The following NRXN3 variants were observed in gnomAD, a reference collection of about 807,000 sequenced individuals.
NRXN3 encodes the protein neurexin III.
In NRXN3, 32 loss-of-function variants were observed where a neutral mutation model predicts 137.6. The observed-to-expected ratio is 0.23, with a 90% CI of 0.18 to 0.31. NRXN3 has a LOEUF of 0.31. Among genes scored for constraint, NRXN3 ranks in the 10% least tolerant of loss-of-function variants. The pLI, the probability that NRXN3 is intolerant of heterozygous loss-of-function variation, is 1.00. For missense variants in NRXN3, 1,574 were observed against 2,062.5 expected (o/e 0.76, Z 4.59); for synonymous variants, 798 against 784.5 (o/e 1.02, Z -0.29).
intron 4 of NRXN3, among the ~76,000 whole-genome samples, chr14:78,569,339 C>G (rs1055007431): frequency 6.6e-6 from 1 of 151,666 alleles, no homozygotes; most frequent in African/African-American, 2.4e-5. Context: ...GGTCTCGGCT[C>G]ACTGCAAGCT....
Position 78,750,724 on chromosome 14 carries a change from G to A in NRXN3, c.2044+35585G>A, listed in dbSNP as rs149624004. The stretch of plus-strand genomic sequence containing the variant: ...GCATACTGGCATTAAACATAAGGAT[G>A]TTTGTGTAGGCAAAAACCCCCAAAC... On this transcript the variant is annotated intron_variant, in intron 8 of 20. Coordinates refer to ENST00000335750, the MANE Select transcript of NRXN3 (RefSeq NM_001330195.2). 3.1e-3 allele frequency among the ~76,000 whole-genome samples: 474 copies of A among 152,158 alleles called. 2 individuals carry two copies. The highest frequency in any genetic ancestry group is 4.1e-3 in the Non-Finnish European group (278 of 68,024).
chr14:78,627,188 A>G (rs1024343639), intron 4 of NRXN3, among the ~76,000 whole-genome samples: 13 of 120,800 alleles, frequency 1.1e-4, no homozygotes, highest in African/African-American at 4.1e-4. Context: ...TTTCTTTTTC[A>G]ATTTCCCTCT....
intron 16 of NRXN3, among the ~76,000 whole-genome samples, chr14:79,655,555 G>A (rs1020480802): frequency 6.6e-6 from 1 of 152,190 alleles, no homozygotes; most frequent in African/African-American, 2.4e-5. Flanking sequence ...GACTATGCAT[G>A]TAAATGTGTG....
chr14:78,817,224 T>C (rs2098936476), intron 10 of NRXN3, among the ~76,000 whole-genome samples: 2 of 152,216 alleles, frequency 1.3e-5, no homozygotes, highest in South Asian at 2.1e-4. Flanking sequence ...TACATGTCTT[T>C]GACAAGTTGC....
intron 4 of NRXN3, among the ~76,000 whole-genome samples, chr14:78,466,809 A>C (rs1203842393): frequency 6.6e-6 from 1 of 152,172 alleles, no homozygotes; most frequent in Non-Finnish European, 1.5e-5. Flanking sequence ...AGTGATTTCA[A>C]CTTTACGGTG....
chr14:78,928,926 G>A (rs1237917532), intron 10 of NRXN3, among the ~76,000 whole-genome samples: 3 of 152,124 alleles, frequency 2.0e-5, no homozygotes, highest in East Asian at 1.9e-4. Flanking sequence ...CAGTGTAAAA[G>A]CATTCCTATC....
Position 79,819,142 on chromosome 14 carries a change from G to A in NRXN3, c.4093+13952G>A, listed in dbSNP as rs149017227. ...AGTTAGCAAACTTTTTTTCTGTAAG[G>A]GCTGGGGTGTAAGTATTTTACACTT... On this transcript the variant is annotated intron_variant, in intron 20 of 20. Coordinates refer to ENST00000335750, the MANE Select transcript of NRXN3 (RefSeq NM_001330195.2). Among the ~76,000 whole-genome samples the A allele has an allele frequency of 8.9e-3, 1,358 of 152,226 alleles. 19 individuals carry two copies. The highest frequency in any genetic ancestry group is 0.031 in the African/African-American group (1,288 of 41,526).
At chr14:78,386,823 C>T (rs1271807031) in intron 4 of NRXN3, among the ~76,000 whole-genome samples, 2 of 151,950 alleles carry the variant, frequency 1.3e-5, no homozygotes, top group Admixed American at 6.6e-5. Flanking sequence ...CTCTATTGCC[C>T]AGGCTGGAGT....
At chr14:78,723,380 A>C (rs2098469003) in intron 8 of NRXN3, among the ~76,000 whole-genome samples, 1 of 152,238 alleles carries the variant, frequency 6.6e-6, no homozygotes, top group African/African-American at 2.4e-5. Context: ...TTAGTAATCA[A>C]TTACACACAG....
intron 15 of NRXN3, among the ~76,000 whole-genome samples, chr14:79,086,011 C>G (rs548879420): frequency 6.6e-6 from 1 of 152,144 alleles, no homozygotes; most frequent in Non-Finnish European, 1.5e-5. Context: ...ATTAAGATCC[C>G]TAAGGAACAG....
intron 4 of NRXN3, among the ~76,000 whole-genome samples, chr14:78,497,760 C>G (rs1203567155): frequency 6.6e-6 from 1 of 152,146 alleles, no homozygotes; most frequent in Non-Finnish European, 1.5e-5. Flanking sequence ...CTCAGACTGT[C>G]TGGAATTAAA....
At chr14:79,748,250 A>T (rs1303186683) in intron 19 of NRXN3, among the ~76,000 whole-genome samples, 6 of 152,132 alleles carry the variant, frequency 3.9e-5, no homozygotes, top group Admixed American at 2.0e-4. Context: ...AAAAAATTTT[A>T]AAAACTTAAA....
chr14:78,543,676 A>G (rs1046414128), intron 4 of NRXN3, among the ~76,000 whole-genome samples: 3 of 151,874 alleles, frequency 2.0e-5, no homozygotes, highest in Non-Finnish European at 1.5e-5. Context: ...CCATTTTGCA[A>G]TCTGGCCTTT....
rs2097770607 is a variant in NRXN3 at position 78,654,482 on chromosome 14, T to C, written c.1221+3156T>C. The stretch of plus-strand genomic sequence containing the variant: ...TCTTTGTGTGTGGCACAAAATAGGT[T>C]TTGTCTTTGGGACTGTAGTTACTTC... On this transcript the variant is annotated intron_variant, in intron 6 of 20. Transcript: ENST00000335750. Among the ~76,000 whole-genome samples the C allele has an allele frequency of 2.0e-5, 3 of 152,248 alleles. No individual in the cohort carries two copies. The South Asian group carries it at 6.2e-4, about 32-fold the overall frequency.
At chr14:78,752,152 C>T (rs991154799) in intron 8 of NRXN3, among the ~76,000 whole-genome samples, 1 of 152,224 alleles carries the variant, frequency 6.6e-6, no homozygotes, top group Admixed American at 6.5e-5. Context: ...TGCCTGTAAT[C>T]CCAGCACTTT....
intron 16 of NRXN3, among the ~76,000 whole-genome samples, chr14:79,597,389 C>A (rs1317804638): frequency 6.6e-6 from 1 of 152,078 alleles, no homozygotes; most frequent in Non-Finnish European, 1.5e-5. Context: ...AATTAGTTTG[C>A]ATAAGAAAAT....
At chr14:78,930,956 C>G (rs154339) in intron 10 of NRXN3, among the ~76,000 whole-genome samples, 1,940 of 152,212 alleles carry the variant, frequency 0.013, 39 homozygotes, top group African/African-American at 0.045. Context: ...GTAATTCATA[C>G]ACACATAATT....
chr14:78,545,207 C>A (rs1022494433), intron 4 of NRXN3, among the ~76,000 whole-genome samples: 2 of 152,144 alleles, frequency 1.3e-5, no homozygotes, highest in Non-Finnish European at 2.9e-5. Flanking sequence ...CTAACTGGCA[C>A]CCTGTGCTCT....
chr14:79,130,369 G>T (rs1445924186), intron 15 of NRXN3, among the ~76,000 whole-genome samples: 1 of 151,998 alleles, frequency 6.6e-6, no homozygotes, highest in African/African-American at 2.4e-5. Context: ...TTTAGGGCAG[G>T]CCTGGTGGTG....
Sources: allele counts gnomAD v4.1 joint callset (sites outside exome capture counted in the v4.1 genomes callset), GRCh38; gene constraint gnomAD v4.1.1; transcripts MANE v1.5; gene names NCBI Gene and HGNC (gene_info 2026-07-23, HGNC 2026-07-21).